Variants in VGLL1 observed in about 807,000 individuals in gnomAD.
The protein encoded by VGLL1 is transcription cofactor vestigial-like protein 1.
A neutral mutation model predicts 12.0 loss-of-function variants in VGLL1; 4 were observed. The observed-to-expected ratio is 0.33, with a 90% CI of 0.16 to 0.76. The LOEUF (loss-of-function observed/expected upper bound fraction) is 0.76, where lower values mean the gene tolerates loss of function less well. Among genes scored for constraint, VGLL1 ranks in the 30% least tolerant of loss-of-function variants. The probability of loss-of-function intolerance (pLI) is 0.60; values close to 1 mark genes in which losing one functional copy is unlikely to be tolerated. For synonymous variants in VGLL1, 87 were observed against 81.2 expected, an observed-to-expected ratio of 1.07 and a Z score of -0.39; for missense variants, 204 against 208.7, an observed-to-expected ratio of 0.98 and a Z score of 0.14.
chrX:136,535,531 G>A (rs1010928011), intron 1 of VGLL1, among the ~76,000 whole-genome samples: 1 of 111,040 alleles, frequency 9.0e-6, no homozygotes, highest in African/African-American at 3.3e-5. Flanking sequence ...TGGTCAAGAT[G>A]GAAAGCAATG....
At chrX:136,551,250 C>A (rs1258365702) in intron 4 of VGLL1, among the ~76,000 whole-genome samples, 1 of 105,102 alleles carries the variant, frequency 9.5e-6, no homozygotes, top group Non-Finnish European at 2.0e-5. Context: ...TTAACCTGAG[C>A]TGGACTTAAC....
At chrX:136,537,731 AT>A (rs758312135) in intron 2 of VGLL1, among the ~76,000 whole-genome samples, 1,593 of 100,143 alleles carry the variant, frequency 0.016, 36 homozygotes, top group African/African-American at 0.051. Flanking sequence ...AGCTAATTTA[AT>A]TTTTTTTTTT....
intron 2 of VGLL1, among the ~76,000 whole-genome samples, chrX:136,538,692 A>G (rs769955711): frequency 2.7e-5 from 3 of 112,889 alleles, no homozygotes; most frequent in African/African-American, 9.6e-5. Context: ...TCCAGATGCC[A>G]TCATTCTGGC....
chrX:136,540,295 C>T lies in VGLL1; in HGVS notation c.214+4061C>T, dbSNP rs936356580. 1.3e-4 allele frequency among the ~76,000 whole-genome samples: 15 copies of T among 111,567 alleles called. No homozygotes were observed. In the Admixed American group the frequency reaches 1.4e-3, roughly 11 times the overall value. On this transcript the variant is annotated intron_variant, in intron 2 of 4. Coordinates refer to ENST00000370634, the MANE Select transcript of VGLL1 (RefSeq NM_016267.4). ...CCTCATCTGGGCCCCCGTTGTCTTACTGATCTCATATCTTACCACTTTCTG... is the reference window on the plus strand; with the variant it reads ...CCTCATCTGGGCCCCCGTTGTCTTATTGATCTCATATCTTACCACTTTCTG...
Position 136,555,250 on chromosome X carries a change from G to T in VGLL1, c.689-1201G>T, listed in dbSNP as rs192553972. Among the ~76,000 whole-genome samples, 20 of 112,248 alleles carry T rather than the reference G, an allele frequency of 1.8e-4. No homozygotes were observed. In the Admixed American group the frequency reaches 1.8e-3, roughly 10 times the overall value. Reference sequence around the variant, plus strand: ...ATAAGAAGAAATTCCTATTGGATGTGGCATCAGAGATTTTTGTAGACGTGT... The same window carrying T: ...ATAAGAAGAAATTCCTATTGGATGTTGCATCAGAGATTTTTGTAGACGTGT... On this transcript the variant is annotated intron_variant, in intron 4 of 4. Coordinates refer to ENST00000370634, the MANE Select transcript of VGLL1 (RefSeq NM_016267.4).
chrX:136,539,800 T>A (rs1019903331), intron 2 of VGLL1, among the ~76,000 whole-genome samples: 1 of 111,724 alleles, frequency 9.0e-6, no homozygotes, highest in Non-Finnish European at 1.9e-5. Flanking sequence ...GATCTTCACT[T>A]AACATGCCTA....
chrX:136,534,730 T>A (rs778335453), intron 1 of VGLL1, among the ~76,000 whole-genome samples: 9 of 111,987 alleles, frequency 8.0e-5, no homozygotes, highest in African/African-American at 2.9e-4. Flanking sequence ...AAATTACCAG[T>A]TTTTCAAAGC....
chrX:136,537,814 C>T (rs926756404), intron 2 of VGLL1, among the ~76,000 whole-genome samples: 5 of 110,130 alleles, frequency 4.5e-5, no homozygotes, highest in Non-Finnish European at 7.6e-5. Flanking sequence ...GATCCTCCCA[C>T]TTCAGCCTTC....
intron 2 of VGLL1, among the ~76,000 whole-genome samples, chrX:136,537,206 CA>C (rs1603308151): frequency 9.1e-6 from 1 of 109,961 alleles, no homozygotes; most frequent in Non-Finnish European, 1.9e-5. Context: ...CCTGTGTCTA[CA>C]AAAAAATTTA....
chrX:136,536,417 G>T (rs891789798), intron 2 of VGLL1, among the ~76,000 whole-genome samples, 183 bp downstream of exon 2: 1 of 111,488 alleles, frequency 9.0e-6, no homozygotes, highest in Non-Finnish European at 1.9e-5. Flanking sequence ...GCCATCTACT[G>T]CTCCAACCTT....
chrX:136,554,588 G>A, intron 4 of VGLL1, among the ~76,000 whole-genome samples: 1 of 111,778 alleles, frequency 8.9e-6, no homozygotes, highest in Non-Finnish European at 1.9e-5. Flanking sequence ...CACAAAAGCT[G>A]TTCTGTAGAG....
Position 136,549,151 on chromosome X carries a change from G to A in VGLL1, c.634+143G>A, listed in dbSNP as rs1046202909. 8.5e-6 allele frequency: 5 copies of A among 588,524 alleles called. No homozygotes were observed. In the East Asian group the frequency reaches 1.4e-4, roughly 17 times the overall value. 48.5% of individuals were successfully genotyped at this position (588,524 alleles called of 1,213,427 possible). A position where few individuals can be genotyped will look rare whatever the true frequency, so the allele number is the denominator to read the frequency against. On this transcript the variant is annotated intron_variant, in intron 3 of 4. Coordinates refer to ENST00000370634, the MANE Select transcript of VGLL1 (RefSeq NM_016267.4). ...GAGGGAAGGGATGTTCTGCTTAAAT[G>A]TTCCATACATCTTCACTAGGCTTCA...
chrX:136,533,749 G>A (rs1328337866), intron 1 of VGLL1, among the ~76,000 whole-genome samples: 1 of 111,697 alleles, frequency 9.0e-6, no homozygotes, highest in Non-Finnish European at 1.9e-5. Flanking sequence ...CTAGGGATTA[G>A]GAGATAGATG....
At chrX:136,552,770 C>A (rs2075889996) in intron 4 of VGLL1, among the ~76,000 whole-genome samples, 1 of 112,122 alleles carries the variant, frequency 8.9e-6, no homozygotes, top group Admixed American at 9.4e-5. Context: ...GTATTATCTC[C>A]TTGCTCTCAC....
chrX:136,556,563 A>G lies in VGLL1; in HGVS notation c.*24A>G, dbSNP rs754064362. 8.5e-7 allele frequency: 1 copy of G among 1,172,443 alleles called. No individual in the cohort carries two copies. Among genetic ancestry groups the G allele is most frequent in the South Asian group, 1.8e-5 (1 of 55,739 alleles). On this transcript the variant is annotated 3_prime_UTR_variant, in exon 5 of 5. Transcript: ENST00000370634. ...AGTCAAGTTGGAGGAGAAAGACAAC[A>G]CTTGGTCTAAGACACGGCAGCAAGA...
intron 2 of VGLL1, among the ~76,000 whole-genome samples, chrX:136,539,037 G>C (rs1400177195): frequency 2.7e-5 from 3 of 111,705 alleles, no homozygotes; most frequent in African/African-American, 9.8e-5. Context: ...GAAATGTGGT[G>C]TGTGGGATTC....
At chrX:136,545,425 C>T (rs1318422799) in intron 2 of VGLL1, among the ~76,000 whole-genome samples, 2 of 111,947 alleles carry the variant, frequency 1.8e-5, no homozygotes, top group Non-Finnish European at 3.8e-5. Context: ...AGGCACTGTG[C>T]AAGTTCTTGG....
chrX:136,539,509 G>A (rs746247548), intron 2 of VGLL1, among the ~76,000 whole-genome samples: 55 of 111,251 alleles, frequency 4.9e-4, no homozygotes, highest in Non-Finnish European at 7.0e-4. Context: ...CTCTCTCCTC[G>A]TGAAATACCT....
intron 4 of VGLL1, among the ~76,000 whole-genome samples, chrX:136,556,215 AT>A (rs772640580): frequency 1.6e-4 from 18 of 112,092 alleles, no homozygotes; most frequent in African/African-American, 5.8e-4. Context: ...CTCATTAGAA[AT>A]TGAGTAAACT....
Sources: allele counts gnomAD v4.1 joint callset (sites outside exome capture counted in the v4.1 genomes callset), GRCh38; gene constraint gnomAD v4.1.1; transcripts MANE v1.5; gene names NCBI Gene and HGNC (gene_info 2026-07-23, HGNC 2026-07-21).